Variants in CCDC172 observed in about 807,000 individuals in gnomAD.
CCDC172 encodes the protein coiled-coil domain containing 172, also known as coiled-coil domain-containing protein 172.
CCDC172 carries 30 observed loss-of-function variants against 38.0 expected under a neutral mutation model. The observed-to-expected ratio is 0.79, with a 90% CI of 0.59 to 1.07. CCDC172 has a LOEUF of 1.07. Among genes scored for constraint, CCDC172 ranks in the 50% least tolerant of loss-of-function variants. The pLI, the probability that CCDC172 is intolerant of heterozygous loss-of-function variation, is 0.00. For synonymous variants in CCDC172, 78 were observed against 88.3 expected (o/e 0.88, Z 0.66); for missense variants, 297 against 290.1 (o/e 1.02, Z -0.17).
At chr10:116,351,616 G>A (rs1219939289) in intron 5 of CCDC172, among the ~76,000 whole-genome samples, 2 of 152,156 alleles carry the variant, frequency 1.3e-5, no homozygotes, top group South Asian at 4.2e-4. Context: ...GAACTTTTAC[G>A]TATCGTCATG....
At chr10:116,367,231 A>G (rs1387247468) in intron 7 of CCDC172, among the ~76,000 whole-genome samples, 1 of 152,144 alleles carries the variant, frequency 6.6e-6, no homozygotes, top group African/African-American at 2.4e-5. Context: ...TGTATATTTC[A>G]AAATAGCCAC....
intron 3 of CCDC172, among the ~76,000 whole-genome samples, chr10:116,333,406 T>A (rs1383501865): frequency 6.6e-6 from 1 of 152,190 alleles, no homozygotes; most frequent in Non-Finnish European, 1.5e-5. Context: ...GCCTGAGATA[T>A]GATTATTTCT....
chr10:116,340,693 A>G, intron 3 of CCDC172, 41 bp from the exon 4 acceptor site: 1 of 982,120 alleles, frequency 1.0e-6, no homozygotes, highest in Non-Finnish European at 1.6e-6. Flanking sequence ...AAAATGTCTA[A>G]TTAATTGTTT....
chr10:116,369,778 C>T (rs1845164409), intron 7 of CCDC172, among the ~76,000 whole-genome samples: 1 of 151,936 alleles, frequency 6.6e-6, no homozygotes, highest in African/African-American at 2.4e-5. Context: ...TTGGATCTTG[C>T]CCCATTCTTC....
At chr10:116,339,418 G>A (rs1239256776) in intron 3 of CCDC172, among the ~76,000 whole-genome samples, 1 of 151,768 alleles carries the variant, frequency 6.6e-6, no homozygotes, top group Admixed American at 6.6e-5. Context: ...TCATACCCTA[G>A]TTTCCCCTTG....
intron 5 of CCDC172, among the ~76,000 whole-genome samples, chr10:116,349,678 A>G (rs962025367): frequency 6.6e-6 from 1 of 152,220 alleles, no homozygotes; most frequent in African/African-American, 2.4e-5. Context: ...TTGTTCACTC[A>G]TTCAGTAATA....
At chr10:116,331,552 G>T (rs897842806) in intron 3 of CCDC172, among the ~76,000 whole-genome samples, 5 of 151,994 alleles carry the variant, frequency 3.3e-5, no homozygotes, top group Non-Finnish European at 7.4e-5. Flanking sequence ...AATAATAGTA[G>T]GTATTAAACA....
At chr10:116,341,253 T>C (rs187128674) in intron 4 of CCDC172, among the ~76,000 whole-genome samples, 1 of 152,036 alleles carries the variant, frequency 6.6e-6, no homozygotes, top group African/African-American at 2.4e-5. Flanking sequence ...GCAATAGTTT[T>C]GAATGACAGG....
intron 5 of CCDC172, among the ~76,000 whole-genome samples, chr10:116,344,458 A>T (rs140368298): frequency 3.6e-4 from 55 of 152,332 alleles, no homozygotes; most frequent in African/African-American, 1.2e-3. Flanking sequence ...GAAAAGGTAC[A>T]GCAAAAATAC....
At chr10:116,351,628 G>A (rs1844931867) in intron 5 of CCDC172, among the ~76,000 whole-genome samples, 1 of 151,934 alleles carries the variant, frequency 6.6e-6, no homozygotes, top group South Asian at 2.1e-4. Context: ...ATCGTCATGA[G>A]GAATAATTTT....
Position 116,343,575 on chromosome 10 carries a change from T to C in CCDC172, c.448+1374T>C, listed in dbSNP as rs563687878. Among the ~76,000 whole-genome samples, 16 of 151,990 alleles carry C rather than the reference T, an allele frequency of 1.1e-4. No homozygotes were observed. The South Asian group carries it at 3.1e-3, about 30-fold the overall frequency. ...AGATAGCTTGCATTTGCAATTGTCC[T>C]GTGCCTGCTTCCATTCTGTAAAAGT... On this transcript the variant is annotated intron_variant, in intron 5 of 8. Transcript: ENST00000333254.
At chr10:116,361,108 C>G (rs1049983751) in intron 7 of CCDC172, among the ~76,000 whole-genome samples, 1 of 149,816 alleles carries the variant, frequency 6.7e-6, no homozygotes, top group Admixed American at 6.7e-5. Flanking sequence ...TGCTCTGTAT[C>G]CCAGAGCAAG....
At chr10:116,353,054 A>G (rs1032288559) in intron 5 of CCDC172, among the ~76,000 whole-genome samples, 8 of 152,104 alleles carry the variant, frequency 5.3e-5, no homozygotes, top group East Asian at 1.9e-4. Flanking sequence ...TTAGCCGGGC[A>G]TGGTGGTGGG....
At chr10:116,362,462 C>G (rs1001469067) in intron 7 of CCDC172, among the ~76,000 whole-genome samples, 1 of 152,196 alleles carries the variant, frequency 6.6e-6, no homozygotes, top group African/African-American at 2.4e-5. Flanking sequence ...TAATTAGACA[C>G]ACTTTTATAA....
At chr10:116,350,834 G>T (rs1469403017) in intron 5 of CCDC172, among the ~76,000 whole-genome samples, 2 of 152,016 alleles carry the variant, frequency 1.3e-5, no homozygotes, top group East Asian at 3.9e-4. Flanking sequence ...GAACATTGTG[G>T]GTTTTAGGCC....
At chr10:116,340,610 A>G in intron 3 of CCDC172, 124 bp from the exon 4 acceptor site, 1 of 556,240 alleles carries the variant, frequency 1.8e-6, no homozygotes, top group South Asian at 2.6e-5. Flanking sequence ...TGCTAATTTT[A>G]TTTTGCATTT....
At chr10:116,371,666 A>T (rs909419157) in intron 7 of CCDC172, among the ~76,000 whole-genome samples, 5 of 152,192 alleles carry the variant, frequency 3.3e-5, no homozygotes, top group African/African-American at 1.2e-4. Flanking sequence ...TACAGTTTTT[A>T]AAAAACTTCA....
chr10:116,368,916 T>C (rs1845155616), intron 7 of CCDC172, among the ~76,000 whole-genome samples: 1 of 152,128 alleles, frequency 6.6e-6, no homozygotes, highest in Non-Finnish European at 1.5e-5. Flanking sequence ...ACTCTGGTTC[T>C]CAATTATATC....
chr10:116,330,765 ACT>A (rs1414009603), intron 3 of CCDC172, among the ~76,000 whole-genome samples: 1 of 152,052 alleles, frequency 6.6e-6, no homozygotes, highest in African/African-American at 2.4e-5. Flanking sequence ...ACAGAGTCTC[ACT>A]CTGTTACCCA....
Sources: gnomAD v4.1 joint callset for allele counts (sites outside exome capture counted in the v4.1 genomes callset) on GRCh38, gnomAD v4.1.1 for gene constraint, MANE v1.5 for transcripts, NCBI Gene and HGNC (gene_info 2026-07-23, HGNC 2026-07-21) for gene names.